Variants in CDR2 observed in about 807,000 individuals in gnomAD.
CDR2 encodes cerebellar degeneration-related protein 2.
In CDR2, 34 loss-of-function variants were observed where a neutral mutation model predicts 48.4. That is an observed-to-expected ratio of 0.70 (90% CI 0.53 to 0.94). CDR2 has a LOEUF of 0.94. Ranked by LOEUF, CDR2 falls within the 40% of genes least tolerant of loss-of-function variation. The pLI, the probability that CDR2 is intolerant of heterozygous loss-of-function variation, is 0.00. For missense variants in CDR2, 498 were observed against 549.5 expected, an observed-to-expected ratio of 0.91 and a Z score of 0.94; for synonymous variants, 240 against 219.7, an observed-to-expected ratio of 1.09 and a Z score of -0.82.
chr16:22,350,787 T>C (rs772144561), intron 2 of CDR2, among the ~76,000 whole-genome samples: 14 of 152,142 alleles, frequency 9.2e-5, no homozygotes, highest in Non-Finnish European at 1.5e-4. Flanking sequence ...AAGTGAGACA[T>C]AACAATCCCT....
At chr16:22,371,402 C>T (rs985964096) in intron 1 of CDR2, among the ~76,000 whole-genome samples, 13 of 152,140 alleles carry the variant, frequency 8.5e-5, no homozygotes, top group Non-Finnish European at 1.2e-4. Flanking sequence ...CTACAATGTA[C>T]GAGGCGCTGT....
chr16:22,361,225 C>A (rs769967919), intron 2 of CDR2, among the ~76,000 whole-genome samples: 34 of 152,278 alleles, frequency 2.2e-4, no homozygotes, highest in South Asian at 1.2e-3. Flanking sequence ...GAATAGGTTG[C>A]ATGGGCATGT....
intron 2 of CDR2, among the ~76,000 whole-genome samples, chr16:22,353,180 G>A (rs562613785): frequency 6.6e-6 from 1 of 152,244 alleles, no homozygotes; most frequent in East Asian, 1.9e-4. Flanking sequence ...ATATACAACA[G>A]GAACTGTTCC....
chr16:22,357,942 T>C lies in CDR2; in HGVS notation c.192+6960A>G, dbSNP rs1003516542. The stretch of plus-strand genomic sequence containing the variant: ...AATCTAAAGAATGTCAAGGAGCTTG[T>C]TTTCACATGGTAGGAGCTTAATCTT... On this transcript the variant is annotated intron_variant, in intron 2 of 4. Transcript: ENST00000268383. Among the ~76,000 whole-genome samples, 95 of 152,220 alleles carry C rather than the reference T, an allele frequency of 6.2e-4. 1 individual carries two copies. Among genetic ancestry groups the C allele is most frequent in the Non-Finnish European group, 1.9e-4 (13 of 68,046 alleles).
intron 1 of CDR2, among the ~76,000 whole-genome samples, chr16:22,372,751 G>A (rs1314010959): frequency 6.6e-6 from 1 of 152,194 alleles, no homozygotes; most frequent in Non-Finnish European, 1.5e-5. Flanking sequence ...CTCTGTAAGT[G>A]TAATAAAGGT....
Position 22,364,115 on chromosome 16 carries a change from T to A in CDR2, c.192+787A>T, listed in dbSNP as rs187943321. On this transcript the variant is annotated intron_variant, in intron 2 of 4. Coordinates refer to ENST00000268383, the MANE Select transcript of CDR2 (RefSeq NM_001802.2). ...CCACCACACCAGCCTAATTTTTGTA[T>A]TTTTTTTTGTAGAGATGGGGTTTTA... Among the ~76,000 whole-genome samples the A allele has an allele frequency of 2.4e-4, 36 of 150,922 alleles. 1 individual carries two copies. Among genetic ancestry groups the A allele is most frequent in the Admixed American group, 2.2e-3 (33 of 15,148 alleles).
intron 1 of CDR2, 118 bp downstream of exon 1, chr16:22,374,113 T>C (rs11860920): frequency 0.022 from 14,201 of 647,802 alleles, 630 homozygotes; most frequent in East Asian, 0.14. Context: ...CAGGTGAGCC[T>C]GAGCCCTTCC....
chr16:22,373,760 T>C (rs985313176), intron 1 of CDR2, among the ~76,000 whole-genome samples: 4 of 152,214 alleles, frequency 2.6e-5, no homozygotes, highest in Non-Finnish European at 5.9e-5. Flanking sequence ...GGAGTTACGG[T>C]GCGGAGCGCA....
intron 2 of CDR2, among the ~76,000 whole-genome samples, chr16:22,355,192 T>C (rs528655386): frequency 1.3e-5 from 2 of 152,378 alleles, no homozygotes; most frequent in Admixed American, 6.5e-5. Context: ...TCAGCATTAA[T>C]ATTTTCCCAA....
intron 2 of CDR2, among the ~76,000 whole-genome samples, chr16:22,352,022 C>A (rs2141844411): frequency 6.6e-6 from 1 of 152,298 alleles, no homozygotes; most frequent in East Asian, 1.9e-4. Context: ...CCAAAACAGG[C>A]AGATTGCTTA....
intron 2 of CDR2, among the ~76,000 whole-genome samples, chr16:22,356,153 T>C (rs2048972873): frequency 6.6e-6 from 1 of 152,212 alleles, no homozygotes; most frequent in Non-Finnish European, 1.5e-5. Flanking sequence ...CTTTTTTCAA[T>C]ATTTGACAGG....
intron 1 of CDR2, among the ~76,000 whole-genome samples, chr16:22,369,766 G>A (rs1009277459): frequency 9.3e-5 from 14 of 151,188 alleles, no homozygotes; most frequent in African/African-American, 3.4e-4. Context: ...AAAGCTGGCA[G>A]TAAGCCCAAG....
chr16:22,347,816 C>T lies in CDR2; in HGVS notation c.514G>A (p.Val172Met), dbSNP rs146229941. Residue 172 changes from valine to methionine, a missense_variant, in exon 5 of 5, where the codon GTG (valine) becomes ATG (methionine). Physicochemically the swap from Val to Met is conservative, Grantham distance 21. Coordinates refer to ENST00000268383, the MANE Select transcript of CDR2 (RefSeq NM_001802.2). ...KELYDLRQHF[V>M]YDHVFAEKIT... ...TTCTCAGCGAACACATGATCATACA[C>T]GAAGTGTCTAGGGAAAAAAATATTG... 52 of 1,610,484 alleles carry T rather than the reference C, an allele frequency of 3.2e-5. No individual in the cohort carries two copies. The highest frequency in any genetic ancestry group is 4.1e-5 in the Non-Finnish European group (48 of 1,178,180).
intron 2 of CDR2, among the ~76,000 whole-genome samples, chr16:22,360,739 CTTTTTTTTTTTTTT>C (rs201976962): frequency 4.6e-4 from 34 of 74,140 alleles, no homozygotes; most frequent in Admixed American, 1.8e-3. Flanking sequence ...AAAAAATGAT[CTTTTTTTTTTTTTT>C]TTTTTTTTTT....
At chr16:22,366,649 G>A (rs1470485064) in intron 1 of CDR2, among the ~76,000 whole-genome samples, 2 of 152,098 alleles carry the variant, frequency 1.3e-5, no homozygotes, top group African/African-American at 4.8e-5. Context: ...GCAGGGAGGG[G>A]AGGGGGAAGA....
chr16:22,360,421 T>G (rs779624468), intron 2 of CDR2, among the ~76,000 whole-genome samples: 9 of 152,208 alleles, frequency 5.9e-5, no homozygotes, highest in Non-Finnish European at 1.0e-4. Flanking sequence ...ACATTAAAAA[T>G]GATGCCTACC....
intron 2 of CDR2, among the ~76,000 whole-genome samples, chr16:22,352,738 G>C (rs1276533928): frequency 2.0e-5 from 3 of 152,146 alleles, no homozygotes; most frequent in Admixed American, 2.0e-4. Context: ...TTAGTAAGTG[G>C]ATCTGTTAGT....
Position 22,374,215 on chromosome 16 carries a change from G to A in CDR2, c.79+16C>T, listed in dbSNP as rs753609799. The A allele has an allele frequency of 2.6e-6, 4 of 1,560,292 alleles. No homozygotes were observed. Among genetic ancestry groups the A allele is most frequent in the East Asian group, 2.4e-5 (1 of 40,874 alleles). On this transcript the variant is annotated intron_variant, in intron 1 of 4. Transcript: ENST00000268383. ...GGCCAGGCCGCCGCCCGCCCGCGGG[G>A]CGCCCCCGCCCTCACCTTGCTGGAG... is the stretch of plus-strand genomic sequence containing the variant.
At chr16:22,362,634 TACAA>T (rs1327185376) in intron 2 of CDR2, among the ~76,000 whole-genome samples, 1 of 152,214 alleles carries the variant, frequency 6.6e-6, no homozygotes, top group African/African-American at 2.4e-5. Flanking sequence ...TCTACACAAA[TACAA>T]ACAGTGATGA....
Sources: allele counts gnomAD v4.1 joint callset (sites outside exome capture counted in the v4.1 genomes callset), GRCh38; gene constraint gnomAD v4.1.1; transcripts MANE v1.5; gene names NCBI Gene and HGNC (gene_info 2026-07-23, HGNC 2026-07-21).